The following KCNIP1 variants were observed in gnomAD, a reference collection of about 807,000 sequenced individuals.
KCNIP1 encodes the protein potassium voltage-gated channel interacting protein 1.
A neutral mutation model predicts 33.0 loss-of-function variants in KCNIP1; 18 were observed. The observed-to-expected ratio is 0.55, with a 90% CI of 0.38 to 0.81. KCNIP1 has a LOEUF of 0.81. Among genes scored for constraint, KCNIP1 ranks in the 30% least tolerant of loss-of-function variants. The pLI, the probability that KCNIP1 is intolerant of heterozygous loss-of-function variation, is 0.00. For synonymous variants in KCNIP1, 93 were observed against 98.3 expected (o/e 0.95, Z 0.32); for missense variants, 238 against 271.6 (o/e 0.88, Z 0.87).
Position 170,462,843 on chromosome 5 carries a change from A to G in KCNIP1, c.88+108879A>G, listed in dbSNP as rs542096958. ...AGCAACCTGGATGAGATTGGAGACT[A>G]TTATTCTAAGTGAAGTAACTCAGCA... is the stretch of plus-strand genomic sequence containing the variant. On this transcript the variant is annotated intron_variant, in intron 1 of 7. Transcript: ENST00000377360. 9.8e-5 allele frequency among the ~76,000 whole-genome samples: 15 copies of G among 152,322 alleles called. 1 individual carries two copies.
At chr5:170,533,499 C>T (rs1324598968) in intron 1 of KCNIP1, among the ~76,000 whole-genome samples, 10 of 152,174 alleles carry the variant, frequency 6.6e-5, no homozygotes, top group African/African-American at 2.4e-4. Flanking sequence ...GCTGAAGAGC[C>T]TTAACCACTG....
chr5:170,538,373 G>A (rs867940145), intron 1 of KCNIP1, among the ~76,000 whole-genome samples: 2 of 152,120 alleles, frequency 1.3e-5, no homozygotes, highest in African/African-American at 2.4e-5. Flanking sequence ...ATTCTATTAC[G>A]ACTGTTATTC....
At chr5:170,358,933 C>T (rs749907740) in intron 1 of KCNIP1, among the ~76,000 whole-genome samples, 26 of 152,296 alleles carry the variant, frequency 1.7e-4, no homozygotes, top group South Asian at 6.2e-4. Flanking sequence ...GCACTACTCC[C>T]CACCTTGCCA....
intron 1 of KCNIP1, among the ~76,000 whole-genome samples, chr5:170,675,508 C>T (rs530092369): frequency 4.9e-4 from 74 of 152,192 alleles, no homozygotes; most frequent in African/African-American, 1.6e-3. Flanking sequence ...GTAGTCCCAG[C>T]TACTCAGGAG....
intron 1 of KCNIP1, among the ~76,000 whole-genome samples, chr5:170,516,766 C>T (rs1317307118): frequency 6.6e-6 from 1 of 152,152 alleles, no homozygotes; most frequent in Non-Finnish European, 1.5e-5. Flanking sequence ...ATTGTTTAGC[C>T]CCTTTCTGCA....
At chr5:170,713,388 G>C (rs1183927652) in intron 1 of KCNIP1, among the ~76,000 whole-genome samples, 1 of 152,136 alleles carries the variant, frequency 6.6e-6, no homozygotes, top group Non-Finnish European at 1.5e-5. Context: ...AGTAGGTATA[G>C]ATCAAAAACC....
At chr5:170,447,390 G>A (rs1250513780) in intron 1 of KCNIP1, among the ~76,000 whole-genome samples, 1 of 152,170 alleles carries the variant, frequency 6.6e-6, no homozygotes, top group African/African-American at 2.4e-5. Context: ...GAAATGCCAC[G>A]TTCCCTCCAT....
intron 1 of KCNIP1, among the ~76,000 whole-genome samples, chr5:170,455,692 C>A (rs1033853852): frequency 1.3e-5 from 2 of 152,096 alleles, no homozygotes; most frequent in Non-Finnish European, 2.9e-5. Flanking sequence ...CATAAGTAAC[C>A]AATTGGTTGA....
chr5:170,482,176 A>G (rs1353058226), intron 1 of KCNIP1, among the ~76,000 whole-genome samples: 4 of 152,122 alleles, frequency 2.6e-5, no homozygotes, highest in African/African-American at 9.7e-5. Flanking sequence ...CAACCAGCTG[A>G]TAACAGGAAA....
intron 1 of KCNIP1, among the ~76,000 whole-genome samples, chr5:170,654,803 T>G (rs1273197936): frequency 6.6e-6 from 1 of 152,254 alleles, no homozygotes; most frequent in Non-Finnish European, 1.5e-5. Flanking sequence ...TCACATCATC[T>G]GGTTAATGGT....
intron 1 of KCNIP1, among the ~76,000 whole-genome samples, chr5:170,391,320 T>C (rs314128): frequency 0.45 from 68,359 of 151,842 alleles, 15,911 homozygotes; most frequent in Middle Eastern, 0.52. Flanking sequence ...TATTAAGGGC[T>C]ACATATTATT....
chr5:170,435,136 C>G (rs1468848927), intron 1 of KCNIP1, among the ~76,000 whole-genome samples: 1 of 152,190 alleles, frequency 6.6e-6, no homozygotes, highest in Non-Finnish European at 1.5e-5. Flanking sequence ...ACCCAGGGAG[C>G]CGGCCCTGGC....
intron 1 of KCNIP1, among the ~76,000 whole-genome samples, chr5:170,522,529 G>A (rs1227757553): frequency 6.6e-6 from 1 of 152,266 alleles, no homozygotes; most frequent in African/African-American, 2.4e-5. Flanking sequence ...TCGCCTGACA[G>A]ATGAGTCCCT....
chr5:170,568,084 A>G (rs1436585859), intron 1 of KCNIP1, among the ~76,000 whole-genome samples: 1 of 152,216 alleles, frequency 6.6e-6, no homozygotes, highest in East Asian at 1.9e-4. Flanking sequence ...TTCCTCACCT[A>G]TAAAAATGGG....
upstream of KCNIP1, among the ~76,000 whole-genome samples, chr5:170,502,558 TG>T (rs1374766586): frequency 6.6e-6 from 1 of 152,116 alleles, no homozygotes; most frequent in Non-Finnish European, 1.5e-5. Flanking sequence ...TCCACCTTCG[TG>T]GGGGGCAACT....
At chr5:170,402,812 G>A (rs1336188743) in intron 1 of KCNIP1, among the ~76,000 whole-genome samples, 1 of 152,094 alleles carries the variant, frequency 6.6e-6, no homozygotes, top group South Asian at 2.1e-4. Flanking sequence ...AGCTGGCCAC[G>A]GCTGCCACAG....
At chr5:170,548,068 C>T (rs1756482010) in intron 1 of KCNIP1, among the ~76,000 whole-genome samples, 1 of 152,170 alleles carries the variant, frequency 6.6e-6, no homozygotes, top group South Asian at 2.1e-4. Context: ...GCCATTCTAA[C>T]TGGTGTGAGA....
chr5:170,608,760 CAAA>C (rs34976967), intron 1 of KCNIP1, among the ~76,000 whole-genome samples: 1 of 141,424 alleles, frequency 7.1e-6, no homozygotes, highest in Admixed American at 7.0e-5. Flanking sequence ...GAAACTGTCT[CAAA>C]AAAAAAAAAA....
intron 1 of KCNIP1, among the ~76,000 whole-genome samples, chr5:170,544,462 T>A (rs1581303108): frequency 6.6e-6 from 1 of 152,140 alleles, no homozygotes; most frequent in East Asian, 1.9e-4. Context: ...TGGACTCTGG[T>A]TACCTCCTTC....
Sources: allele counts gnomAD v4.1 joint callset (sites outside exome capture counted in the v4.1 genomes callset), GRCh38; gene constraint gnomAD v4.1.1; transcripts MANE v1.5; gene names NCBI Gene and HGNC (gene_info 2026-07-23, HGNC 2026-07-21).